MED12L: variants seen among roughly 807,000 people sequenced by gnomAD.
MED12L encodes mediator complex subunit 12L.
A neutral mutation model predicts 281.3 loss-of-function variants in MED12L; 60 were observed. The observed-to-expected ratio is 0.21, with a 90% confidence interval of 0.17 to 0.26. The LOEUF is 0.26. Among genes scored for constraint, MED12L ranks in the 10% least tolerant of loss-of-function variants. The pLI is 1.00. For missense variants in MED12L, 2,146 were observed against 2,680.9 expected (o/e 0.80, Z 4.41); for synonymous variants, 974 against 987.2 (o/e 0.99, Z 0.25).
chr3:151,239,332 C>G (rs558869383), intron 16 of MED12L, among the ~76,000 whole-genome samples: 53 of 152,268 alleles, frequency 3.5e-4, no homozygotes, highest in Non-Finnish European at 7.2e-4. Flanking sequence ...AAAAAACCAC[C>G]TGTTGAGTTT....
chr3:151,199,904 A>AG (rs1277543484), intron 16 of MED12L, among the ~76,000 whole-genome samples: 1 of 152,072 alleles, frequency 6.6e-6, no homozygotes, highest in Non-Finnish European at 1.5e-5. Flanking sequence ...CCAGGCTGAC[A>AG]GGGGAAGTAA....
At chr3:151,403,019 CTTTTT>C (rs552267392) in intron 39 of MED12L, among the ~76,000 whole-genome samples, 544 of 134,708 alleles carry the variant, frequency 4.0e-3, no homozygotes, top group Non-Finnish European at 6.9e-3. Flanking sequence ...TCTTTCTTTT[CTTTTT>C]TCTTTTTTTT....
chr3:151,187,512 A>C (rs6772543), intron 12 of MED12L, among the ~76,000 whole-genome samples: 12,997 of 152,280 alleles, frequency 0.085, 1,270 homozygotes, highest in African/African-American at 0.23. Context: ...GAGAAAATAG[A>C]TTGGAAAAAT....
At chr3:151,257,579 C>T (rs1206004715) in intron 16 of MED12L, among the ~76,000 whole-genome samples, 3 of 152,166 alleles carry the variant, frequency 2.0e-5, no homozygotes, top group Admixed American at 6.5e-5. Context: ...GTTCTGTATG[C>T]CTGGCACATA....
At chr3:151,411,229 C>T (rs756985625) in intron 40 of MED12L, 49 bp from the exon 41 acceptor site, 116 of 1,517,688 alleles carry the variant, frequency 7.6e-5, no homozygotes, top group Non-Finnish European at 9.6e-5. Context: ...GATGGGAAAG[C>T]TAGGTGATAA....
At chr3:151,225,859 A>G (rs769569119) in intron 16 of MED12L, among the ~76,000 whole-genome samples, 15 of 152,162 alleles carry the variant, frequency 9.9e-5, no homozygotes, top group Non-Finnish European at 2.1e-4. Flanking sequence ...CAGTTATTCT[A>G]TTTCCTGACC....
chr3:151,317,436 CTTT>C (rs1164820615), intron 16 of MED12L, among the ~76,000 whole-genome samples: 10 of 58,734 alleles, frequency 1.7e-4, no homozygotes, highest in African/African-American at 3.2e-4. Flanking sequence ...AATCATATCA[CTTT>C]TTTTTTTTTT....
chr3:151,180,644 A>G (rs1722598801), intron 11 of MED12L, among the ~76,000 whole-genome samples: 1 of 152,196 alleles, frequency 6.6e-6, no homozygotes, highest in Non-Finnish European at 1.5e-5. Context: ...TCTTTTCTTT[A>G]TGTGTGCTTT....
At chr3:151,383,718 G>A in intron 33 of MED12L, 61 bp from the exon 34 acceptor site, 5 of 1,055,302 alleles carry the variant, frequency 4.7e-6, no homozygotes, top group Non-Finnish European at 7.2e-6. Flanking sequence ...ATAACATAAA[G>A]CAATGGGGTG....
At chr3:151,375,711 A>G (rs531993367) in intron 27 of MED12L, among the ~76,000 whole-genome samples, 4 of 152,282 alleles carry the variant, frequency 2.6e-5, no homozygotes, top group East Asian at 3.9e-4. Flanking sequence ...GCAAGTTAGA[A>G]AAAACTGACA....
intron 16 of MED12L, among the ~76,000 whole-genome samples, chr3:151,263,522 T>C (rs2149510645): frequency 6.6e-6 from 1 of 152,346 alleles, no homozygotes; most frequent in East Asian, 1.9e-4. Flanking sequence ...ACTTGGGTCA[T>C]ATCAACTTTC....
At position 151,411,409 on chromosome 3, in the gene MED12L, C is replaced by G. The variant is rs772501002; in HGVS notation, c.6042C>G (p.Pro2014=). 23 of 1,614,042 alleles carry G rather than the reference C, an allele frequency of 1.4e-5. No individual in the cohort carries two copies. Among genetic ancestry groups the G allele is most frequent in the Middle Eastern group, 1.6e-4 (1 of 6,084 alleles). ...CCTATCCGGCCGCACATTCCAACCC[C>G]GTGCTAATGGAAAGACTCAGACAGA... ...SRAYPAAHSN[P]VLMERLRQIQ... is the part of the protein sequence containing the mutation. The change falls in exon 41 of 45, where the codon CCC becomes CCG. Residue 2014 remains proline (P), a synonymous_variant. Coordinates refer to ENST00000687756, the MANE Select transcript of MED12L (RefSeq NM_001393769.1).
At chr3:151,399,021 T>A (rs1715319914) in intron 39 of MED12L, among the ~76,000 whole-genome samples, 1 of 151,730 alleles carries the variant, frequency 6.6e-6, no homozygotes, top group African/African-American at 2.4e-5. Context: ...CTGTGGGAAG[T>A]GAAACCGCAG....
At chr3:151,198,975 C>G in intron 16 of MED12L, 1 of 1,614,006 alleles carries the variant, frequency 6.2e-7, no homozygotes, top group Admixed American at 1.7e-5. Flanking sequence ...ATTAGCCACA[C>G]AACGGTTGAT....
At chr3:151,334,085 G>GA (rs1325409905) in intron 16 of MED12L, among the ~76,000 whole-genome samples, 7 of 147,404 alleles carry the variant, frequency 4.7e-5, no homozygotes, top group African/African-American at 7.5e-5. Context: ...TCAAAAAAAA[G>GA]AAAAAAAATC....
chr3:151,086,986 G>A lies in MED12L; in HGVS notation c.60G>A (p.Gly20=). ...GACCGCTGAAGCGCCCCCGGCTCGG[G>A]CCGCCCGACGTCTACCCACAGGACC... ...EQRPLKRPRL[G]PPDVYPQDPK... The change falls in exon 2 of 45, where the codon GGG becomes GGA. Residue 20 remains glycine (G), a synonymous_variant. Coordinates refer to ENST00000687756, the MANE Select transcript of MED12L (RefSeq NM_001393769.1). 3 of 1,610,238 alleles carry A rather than the reference G, an allele frequency of 1.9e-6. No individual in the cohort carries two copies. The highest frequency in any genetic ancestry group is 1.3e-5 in the African/African-American group (1 of 74,992).
chr3:151,172,879 C>T (rs533469805), intron 11 of MED12L, among the ~76,000 whole-genome samples: 19 of 152,168 alleles, frequency 1.2e-4, no homozygotes, highest in Non-Finnish European at 2.5e-4. Context: ...CCAAAGGAAG[C>T]GTTGCTAGTC....
chr3:151,242,437 A>C (rs1418120713), intron 16 of MED12L, among the ~76,000 whole-genome samples: 1 of 152,232 alleles, frequency 6.6e-6, no homozygotes, highest in Admixed American at 6.5e-5. Context: ...GAGAACCGGC[A>C]GACTGCCTCC....
Position 151,332,249 on chromosome 3 carries a change from C to A in MED12L, c.2251-17810C>A, listed in dbSNP as rs370416387. 5.3e-5 allele frequency among the ~76,000 whole-genome samples: 8 copies of A among 152,246 alleles called. No homozygotes were observed. In the East Asian group the frequency reaches 1.2e-3, roughly 22 times the overall value. On this transcript the variant is annotated intron_variant, in intron 16 of 44. Coordinates refer to ENST00000687756, the MANE Select transcript of MED12L (RefSeq NM_001393769.1). ...AAATTGACAGTCCAAGGCCCAGTAC[C>A]ATATAAATAATATGTGAAAAGATGA...
Sources: allele counts gnomAD v4.1 joint callset (sites outside exome capture counted in the v4.1 genomes callset), GRCh38; gene constraint gnomAD v4.1.1; transcripts MANE v1.5; gene names NCBI Gene and HGNC (gene_info 2026-07-23, HGNC 2026-07-21).